Variants in KAZN observed in about 807,000 individuals in gnomAD.
KAZN encodes kazrin, periplakin interacting protein.
A neutral mutation model predicts 87.4 loss-of-function variants in KAZN; 40 were observed. That is an observed-to-expected ratio of 0.46 (90% CI 0.36 to 0.60). The LOEUF (loss-of-function observed/expected upper bound fraction) is 0.60, where lower values mean the gene tolerates loss of function less well. Among genes scored for constraint, KAZN ranks in the 20% least tolerant of loss-of-function variants. The pLI, the probability that KAZN is intolerant of heterozygous loss-of-function variation, is 0.00. For missense variants in KAZN, 898 were observed against 1,073.9 expected, an observed-to-expected ratio of 0.84 and a Z score of 2.29; for synonymous variants, 466 against 458.3, an observed-to-expected ratio of 1.02 and a Z score of -0.22.
chr1:14,859,110 G>C (rs1396242878), intron 1 of KAZN, among the ~76,000 whole-genome samples: 1 of 152,036 alleles, frequency 6.6e-6, no homozygotes, highest in Non-Finnish European at 1.5e-5. Context: ...AGGAGGCTGA[G>C]GCAGGAGAAT....
chr1:14,276,151 C>T (rs80165457), intron 2 of KAZN, among the ~76,000 whole-genome samples: 6,209 of 141,400 alleles, frequency 0.044, 157 homozygotes, highest in Middle Eastern at 0.077. Context: ...GCATAGTGTT[C>T]GCTATAAGGG....
At chr1:14,301,566 T>G (rs1275663663) in intron 2 of KAZN, among the ~76,000 whole-genome samples, 1 of 152,222 alleles carries the variant, frequency 6.6e-6, no homozygotes, top group Non-Finnish European at 1.5e-5. Flanking sequence ...GCCTTCCTCT[T>G]TGACAAGGCG....
At chr1:14,293,206 C>T (rs920569382) in intron 2 of KAZN, among the ~76,000 whole-genome samples, 1 of 152,222 alleles carries the variant, frequency 6.6e-6, no homozygotes, top group African/African-American at 2.4e-5. Flanking sequence ...CCAAATTTCT[C>T]CAGCCCCGAA....
chr1:14,621,548 C>T (rs542004065), intron 1 of KAZN, among the ~76,000 whole-genome samples: 1 of 152,312 alleles, frequency 6.6e-6, no homozygotes, highest in South Asian at 2.1e-4. Flanking sequence ...GGGAACAAGA[C>T]AGAAGACAAG....
chr1:14,706,337 G>T (rs891384661), intron 1 of KAZN, among the ~76,000 whole-genome samples: 1 of 151,720 alleles, frequency 6.6e-6, no homozygotes, highest in South Asian at 2.1e-4. Flanking sequence ...CCCCCACCCC[G>T]CCAATCTGGG....
chr1:14,635,869 G>A (rs887193619), intron 1 of KAZN, among the ~76,000 whole-genome samples: 9 of 152,156 alleles, frequency 5.9e-5, no homozygotes, highest in African/African-American at 2.2e-4. Flanking sequence ...TGGTGCCAAG[G>A]TTCAGAAACC....
chr1:13,963,114 C>T (rs1641817050), intron 1 of KAZN, among the ~76,000 whole-genome samples: 1 of 152,058 alleles, frequency 6.6e-6, no homozygotes, highest in Non-Finnish European at 1.5e-5. Flanking sequence ...GGATATTATA[C>T]TACCTGTGTT....
At chr1:13,926,065 C>G (rs1445340274) in intron 1 of KAZN, among the ~76,000 whole-genome samples, 1 of 151,868 alleles carries the variant, frequency 6.6e-6, no homozygotes, top group Non-Finnish European at 1.5e-5. Context: ...TTTCTCTCTC[C>G]CTTTGTTTTT....
chr1:14,725,309 C>G (rs1643323996), intron 1 of KAZN, among the ~76,000 whole-genome samples: 1 of 152,206 alleles, frequency 6.6e-6, no homozygotes, highest in South Asian at 2.1e-4. Context: ...GGCAGCCTAC[C>G]TGGGACCCCC....
intron 1 of KAZN, among the ~76,000 whole-genome samples, chr1:14,147,288 G>A (rs937641232): frequency 5.9e-5 from 9 of 152,072 alleles, no homozygotes; most frequent in Admixed American, 2.0e-4. Context: ...GCTAACCCTC[G>A]TGTTGTTCAA....
chr1:14,994,096 A>G (rs1460342035), intron 2 of KAZN, among the ~76,000 whole-genome samples: 1 of 152,222 alleles, frequency 6.6e-6, no homozygotes, highest in Admixed American at 6.5e-5. Flanking sequence ...AGGCCATGGA[A>G]GCAGGTCCCC....
chr1:14,982,375 CAT>C (rs921177942), intron 2 of KAZN, among the ~76,000 whole-genome samples: 1 of 149,778 alleles, frequency 6.7e-6, no homozygotes, highest in Admixed American at 6.7e-5. Flanking sequence ...TGGTTCCCCA[CAT>C]GTTCCCTCTG....
At chr1:14,154,229 T>A (rs1374729932) in intron 1 of KAZN, among the ~76,000 whole-genome samples, 1 of 152,216 alleles carries the variant, frequency 6.6e-6, no homozygotes, top group Non-Finnish European at 1.5e-5. Flanking sequence ...TTTAAGTTAA[T>A]TCCTAGGTAT....
At chr1:14,229,455 T>C (rs1443198102) in intron 2 of KAZN, among the ~76,000 whole-genome samples, 1 of 152,222 alleles carries the variant, frequency 6.6e-6, no homozygotes, top group Non-Finnish European at 1.5e-5. Context: ...CTGTGTAACA[T>C]ATTTTATATA....
intron 4 of KAZN, among the ~76,000 whole-genome samples, chr1:15,050,781 C>G (rs879406292): frequency 6.6e-6 from 1 of 151,762 alleles, no homozygotes; most frequent in Non-Finnish European, 1.5e-5. Context: ...ACCTGAGCCA[C>G]GCCTGTCGTT....
intron 2 of KAZN, among the ~76,000 whole-genome samples, chr1:14,503,655 G>T (rs1363801354): frequency 1.3e-5 from 2 of 151,352 alleles, no homozygotes; most frequent in African/African-American, 4.9e-5. Flanking sequence ...CACCATGCTG[G>T]ACATTCACCG....
At chr1:14,411,331 G>T (rs1203399746) in intron 2 of KAZN, among the ~76,000 whole-genome samples, 1 of 152,198 alleles carries the variant, frequency 6.6e-6, no homozygotes, top group Admixed American at 6.5e-5. Context: ...GTCTCGCTCT[G>T]TCACCCAGGC....
chr1:14,727,650 G>C (rs1272806773), intron 1 of KAZN, among the ~76,000 whole-genome samples: 1 of 151,342 alleles, frequency 6.6e-6, no homozygotes, highest in Non-Finnish European at 1.5e-5. Context: ...ATTTTTAGTA[G>C]AGACAGGGTT....
chr1:14,198,829 A>T (rs185422621), intron 2 of KAZN, among the ~76,000 whole-genome samples: 96 of 152,278 alleles, frequency 6.3e-4, no homozygotes, highest in Admixed American at 6.2e-3. Context: ...TAATCTCCAT[A>T]TGACAGATGA....
Sources: gnomAD v4.1 joint callset for allele counts (sites outside exome capture counted in the v4.1 genomes callset) on GRCh38, gnomAD v4.1.1 for gene constraint, MANE v1.5 for transcripts, NCBI Gene and HGNC (gene_info 2026-07-23, HGNC 2026-07-21) for gene names.